IL1RAPL2: variants seen among roughly 807,000 people sequenced by gnomAD.
IL1RAPL2 encodes the protein X-linked interleukin-1 receptor accessory protein-like 2.
In IL1RAPL2, 3 loss-of-function variants were observed where a neutral mutation model predicts 44.1. The observed-to-expected ratio is 0.07, with a 90% confidence interval of 0.03 to 0.18. The LOEUF (loss-of-function observed/expected upper bound fraction) is 0.18, where lower values mean the gene tolerates loss of function less well. Ranked by LOEUF, IL1RAPL2 falls within the 10% of genes least tolerant of loss-of-function variation. IL1RAPL2 has a pLI of 1.00. For missense variants in IL1RAPL2, 391 were observed against 496.4 expected (o/e 0.79, Z 2.02); for synonymous variants, 181 against 178.8 (o/e 1.01, Z -0.10).
intron 2 of IL1RAPL2, among the ~76,000 whole-genome samples, chrX:105,107,308 A>C (rs940710682): frequency 8.9e-6 from 1 of 112,287 alleles, no homozygotes; most frequent in Admixed American, 9.5e-5. Context: ...GAAGTCAGAA[A>C]TCTTGAGTTT....
intron 6 of IL1RAPL2, among the ~76,000 whole-genome samples, chrX:105,701,092 C>T (rs2038115772): frequency 1.8e-5 from 2 of 111,278 alleles, no homozygotes; most frequent in African/African-American, 6.5e-5. Flanking sequence ...ATGGGAAAAA[C>T]TATCTGCTAT....
At chrX:104,660,951 C>T (rs1365013065) in intron 2 of IL1RAPL2, among the ~76,000 whole-genome samples, 1 of 107,993 alleles carries the variant, frequency 9.3e-6, no homozygotes, top group African/African-American at 3.4e-5. Flanking sequence ...TATATATACA[C>T]ACACACACAC....
chrX:105,633,575 T>C lies in IL1RAPL2; in HGVS notation c.773-83792T>C, dbSNP rs766465368. ...CAACAGGTTTACTAGGGTAGACCTTTTATGTAGGCAGAGCAGTTGACCTAT... is the reference window on the plus strand; with the variant it reads ...CAACAGGTTTACTAGGGTAGACCTTCTATGTAGGCAGAGCAGTTGACCTAT... On this transcript the variant is annotated intron_variant, in intron 6 of 10. Transcript: ENST00000372582. Among the ~76,000 whole-genome samples, 3 of 111,651 alleles carry C rather than the reference T, an allele frequency of 2.7e-5. No individual in the cohort carries two copies. In the South Asian group the frequency reaches 1.1e-3, roughly 42 times the overall value.
At chrX:104,821,252 A>AT (rs764063021) in intron 2 of IL1RAPL2, among the ~76,000 whole-genome samples, 51 of 110,653 alleles carry the variant, frequency 4.6e-4, no homozygotes, top group African/African-American at 1.6e-3. Context: ...TTTTTTTTTA[A>AT]TTTTTTATTA....
chrX:105,259,681 A>T (rs956363680), intron 4 of IL1RAPL2, among the ~76,000 whole-genome samples: 1 of 111,395 alleles, frequency 9.0e-6, no homozygotes, highest in African/African-American at 3.3e-5. Context: ...CCTTGGGTCA[A>T]CTGCAGCTTG....
chrX:105,499,794 A>G (rs747875578), intron 6 of IL1RAPL2, among the ~76,000 whole-genome samples: 25 of 112,104 alleles, frequency 2.2e-4, no homozygotes, highest in African/African-American at 7.8e-4. Flanking sequence ...AAGCTTGTGC[A>G]CCATTGGTGG....
chrX:105,332,320 T>C (rs2147694445), intron 5 of IL1RAPL2, among the ~76,000 whole-genome samples: 1 of 110,260 alleles, frequency 9.1e-6, no homozygotes, highest in South Asian at 3.9e-4. Flanking sequence ...ATTGCTATGG[T>C]GATTCTGTGA....
chrX:105,711,543 G>A (rs952944291), intron 6 of IL1RAPL2, among the ~76,000 whole-genome samples: 4 of 111,466 alleles, frequency 3.6e-5, no homozygotes, highest in African/African-American at 9.8e-5. Flanking sequence ...AGCTTTGGAG[G>A]AGACATTCTG....
intron 2 of IL1RAPL2, among the ~76,000 whole-genome samples, chrX:105,040,900 T>A (rs1268431042): frequency 9.9e-6 from 1 of 100,564 alleles, no homozygotes; most frequent in Non-Finnish European, 2.0e-5. Flanking sequence ...CTGATTTTAG[T>A]TATTTCTTGC....
chrX:105,372,386 A>G (rs1028071981), intron 5 of IL1RAPL2, among the ~76,000 whole-genome samples: 5 of 109,111 alleles, frequency 4.6e-5, no homozygotes, highest in Non-Finnish European at 3.8e-5. Flanking sequence ...CAGTGAGCCA[A>G]GATTGCACCA....
At chrX:105,233,775 A>T (rs782804693) in intron 3 of IL1RAPL2, 43 bp from the exon 4 acceptor site, 1 of 1,067,360 alleles carries the variant, frequency 9.4e-7, no homozygotes, top group Non-Finnish European at 1.3e-6. Flanking sequence ...ACAAAGTTGT[A>T]AACACCCAAT....
In IL1RAPL2 at chrX:104,585,313, A is replaced by T. The variant is rs758274774; in HGVS notation, c.-20+18262A>T. ...TATATTATATATTATATATTATATAATATATATTATATATAATATATATTA... is the reference window on the plus strand; with the variant it reads ...TATATTATATATTATATATTATATATTATATATTATATATAATATATATTA... On this transcript the variant is annotated intron_variant, in intron 1 of 10. Transcript: ENST00000372582. 2.3e-3 allele frequency among the ~76,000 whole-genome samples: 42 copies of T among 18,564 alleles called. 3 individuals are homozygous for T. Among genetic ancestry groups the T allele is most frequent in the African/African-American group, 9.7e-3 (23 of 2,366 alleles). 16.1% of individuals were successfully genotyped at this position (18,564 alleles called of 115,157 possible). A position where few individuals can be genotyped will look rare whatever the true frequency, so the allele number is the denominator to read the frequency against.
intron 2 of IL1RAPL2, among the ~76,000 whole-genome samples, chrX:104,919,201 G>A (rs1924553098): frequency 2.0e-5 from 2 of 102,329 alleles, no homozygotes; most frequent in South Asian, 4.9e-4. Flanking sequence ...AAGACTCTGG[G>A]GACTCTTGGG....
chrX:105,389,382 G>A (rs2035504662), intron 5 of IL1RAPL2, among the ~76,000 whole-genome samples: 1 of 111,893 alleles, frequency 8.9e-6, no homozygotes, highest in African/African-American at 3.2e-5. Flanking sequence ...GCCATTTTCT[G>A]TAAAAGTTGG....
intron 6 of IL1RAPL2, among the ~76,000 whole-genome samples, chrX:105,535,343 A>G (rs959808179): frequency 1.8e-5 from 2 of 112,043 alleles, no homozygotes; most frequent in Non-Finnish European, 3.8e-5. Flanking sequence ...TAGAACCCTC[A>G]TTTATTGCAG....
intron 5 of IL1RAPL2, among the ~76,000 whole-genome samples, chrX:105,273,224 C>T (rs973176932): frequency 1.8e-5 from 2 of 111,221 alleles, no homozygotes; most frequent in Admixed American, 1.9e-4. Flanking sequence ...TCACAACCAA[C>T]ATATGAGGGT....
At chrX:105,640,749 TATAG>T (rs1439593606) in intron 6 of IL1RAPL2, among the ~76,000 whole-genome samples, 1 of 5,266 alleles carries the variant, frequency 1.9e-4, no homozygotes, top group African/African-American at 8.4e-4. Flanking sequence ...TATAGATAGA[TATAG>T]ATATAGATAT....
At chrX:104,689,339 C>T (rs1023882453) in intron 2 of IL1RAPL2, among the ~76,000 whole-genome samples, 3 of 111,263 alleles carry the variant, frequency 2.7e-5, no homozygotes, top group Non-Finnish European at 5.7e-5. Context: ...CACATGCTTA[C>T]CTAATTTTCA....
At chrX:105,554,474 A>G (rs2036882833) in intron 6 of IL1RAPL2, among the ~76,000 whole-genome samples, 1 of 111,756 alleles carries the variant, frequency 8.9e-6, no homozygotes, top group Non-Finnish European at 1.9e-5. Context: ...CTTTTAATCA[A>G]ATTTGGAAAA....
Sources: gnomAD v4.1 joint callset for allele counts (sites outside exome capture counted in the v4.1 genomes callset) on GRCh38, gnomAD v4.1.1 for gene constraint, MANE v1.5 for transcripts, NCBI Gene and HGNC (gene_info 2026-07-23, HGNC 2026-07-21) for gene names.